CEP170: variants seen among roughly 807,000 people sequenced by gnomAD.
The protein encoded by CEP170 is centrosomal protein of 170 kDa.
A neutral mutation model predicts 151.9 loss-of-function variants in CEP170; 21 were observed. That is an observed-to-expected ratio of 0.14 (90% CI 0.10 to 0.20). The LOEUF (loss-of-function observed/expected upper bound fraction) is 0.20, where lower values mean the gene tolerates loss of function less well. Ranked by LOEUF, CEP170 falls within the 10% of genes least tolerant of loss-of-function variation. The pLI, the probability that CEP170 is intolerant of heterozygous loss-of-function variation, is 1.00. For synonymous variants in CEP170, 356 were observed against 648.8 expected (o/e 0.55, Z 6.86); for missense variants, 964 against 1,892.9 (o/e 0.51, Z 9.11).
At chr1:243,255,292 C>G (rs534499308), upstream of CEP170, 2 of 153,116 alleles carry the variant, frequency 1.3e-5, no homozygotes, top group African/African-American at 4.8e-5. Flanking sequence ...GGCGAGGAGC[C>G]GGACCCTATC....
rs1352781864 is a variant in CEP170 at position 243,126,065 on chromosome 1, C to G, written c.*384G>C. 5 of 458,624 alleles carry G rather than the reference C, an allele frequency of 1.1e-5. No homozygotes were observed. The highest frequency in any genetic ancestry group is 2.2e-5 in the Non-Finnish European group (5 of 228,772). 28.4% of individuals were successfully genotyped at this position (458,624 alleles called of 1,614,324 possible). The stretch of plus-strand genomic sequence containing the variant: ...AGATGAAGAAGTCCATTTCAGGGAG[C>G]AGCTTGGCACAGGAGACTTAGGGGT... On this transcript the variant is annotated 3_prime_UTR_variant, in exon 20 of 20. Coordinates refer to ENST00000366542, the MANE Select transcript of CEP170 (RefSeq NM_014812.3).
At chr1:243,234,903 A>G (rs1299704731) in intron 1 of CEP170, among the ~76,000 whole-genome samples, 1 of 152,222 alleles carries the variant, frequency 6.6e-6, no homozygotes, top group Non-Finnish European at 1.5e-5. Context: ...CTTAATATGA[A>G]TCAGGCACTG....
At chr1:243,217,661 G>A (rs1302392410) in intron 3 of CEP170, among the ~76,000 whole-genome samples, 1 of 152,118 alleles carries the variant, frequency 6.6e-6, no homozygotes, top group Non-Finnish European at 1.5e-5. Flanking sequence ...TCTCCTGAAG[G>A]TCTAAAATTA....
intron 19 of CEP170, among the ~76,000 whole-genome samples, 165 bp downstream of exon 19, chr1:243,128,083 TA>T (rs979310362): frequency 6.6e-6 from 1 of 152,202 alleles, no homozygotes; most frequent in Admixed American, 6.5e-5. Context: ...ATACTGGGTT[TA>T]AAAAAATTCC....
At position 243,225,298 on chromosome 1, in the gene CEP170, A is replaced by AGCT; in HGVS notation, c.-19_-18insAGC. The AGCT allele has an allele frequency of 6.6e-7, 1 of 1,510,106 alleles. No individual in the cohort carries two copies. Among genetic ancestry groups the AGCT allele is most frequent in the South Asian group, 1.2e-5 (1 of 80,318 alleles). The allele number at this position is 1,510,106 out of a possible 1,614,324, so 93.5% of individuals were successfully genotyped here. A position where few individuals can be genotyped will look rare whatever the true frequency, so the allele number is the denominator to read the frequency against. ...AAGCTCATTTTCTGCTTAGCTTCTA[A>AGCT]GTCTTTGGCAAAGCTACGTCATCCT... On this transcript the variant is annotated 5_prime_UTR_variant, in exon 2 of 20. Transcript: ENST00000366542.
intron 4 of CEP170, among the ~76,000 whole-genome samples, chr1:243,208,358 T>G (rs1226734239): frequency 6.6e-6 from 1 of 150,736 alleles, no homozygotes; most frequent in Non-Finnish European, 1.5e-5. Flanking sequence ...CATTTATCAC[T>G]CCGATTAAAA....
At chr1:243,186,443 C>T in intron 8 of CEP170, 21 bp from the exon 9 acceptor site, 1 of 1,573,322 alleles carries the variant, frequency 6.4e-7, no homozygotes, top group Non-Finnish European at 8.6e-7. Context: ...AAAGAAAACA[C>T]ACAATAGAGA....
chr1:243,139,874 C>T lies in CEP170; in HGVS notation c.4230+63G>A, dbSNP rs777600579. 522 of 1,546,054 alleles carry T rather than the reference C, an allele frequency of 3.4e-4. 1 individual carries two copies. Among genetic ancestry groups the T allele is most frequent in the Non-Finnish European group, 4.5e-4 (510 of 1,143,012 alleles). On this transcript the variant is annotated intron_variant, in intron 16 of 19. Coordinates refer to ENST00000366542, the MANE Select transcript of CEP170 (RefSeq NM_014812.3). ...CCCAGCCCTACTCACTGAATGGTTCCTCCTTTTCTTACTTATGGAATATGC... is the reference window on the plus strand; with the variant it reads ...CCCAGCCCTACTCACTGAATGGTTCTTCCTTTTCTTACTTATGGAATATGC...
At chr1:243,132,061 T>C (rs2054484153) in intron 17 of CEP170, among the ~76,000 whole-genome samples, 1 of 152,030 alleles carries the variant, frequency 6.6e-6, no homozygotes, top group African/African-American at 2.4e-5. Context: ...ACAACAGGAG[T>C]TCCTGTATAA....
chr1:243,245,497 C>T (rs1168434111), intron 1 of CEP170, among the ~76,000 whole-genome samples: 2 of 151,968 alleles, frequency 1.3e-5, no homozygotes, highest in Admixed American at 6.6e-5. Context: ...GAGCGGATCA[C>T]GAGGTCAGGA....
intron 3 of CEP170, among the ~76,000 whole-genome samples, chr1:243,219,987 C>G (rs1488943997): frequency 2.0e-5 from 3 of 152,196 alleles, no homozygotes; most frequent in Admixed American, 6.5e-5. Flanking sequence ...GAGAGAAATT[C>G]TAGCAAAGAG....
chr1:243,213,178 A>G (rs887134754), intron 3 of CEP170, among the ~76,000 whole-genome samples: 2 of 152,028 alleles, frequency 1.3e-5, no homozygotes, highest in Admixed American at 1.3e-4. Context: ...AGGGCTCAAC[A>G]GGCACACATG....
rs1356760637 is a variant in CEP170 at position 243,172,728 on chromosome 1, G to A, written c.1685C>T (p.Pro562Leu). The change falls in exon 11 of 20, where the codon CCA becomes CTA. Residue 562 changes from proline (P) to leucine (L), a missense_variant. Pro to Leu is a moderately conservative substitution (Grantham distance 98). Transcript: ENST00000366542. ...SAAAVMEERK[P>L]LTTSGFHHSE... ...GTGGTGAAATCCAGATGTAGTCAGT[G>A]GTTTTCTTTCTTCCATTACTGCTGC... 3 of 1,589,762 alleles carry A rather than the reference G, an allele frequency of 1.9e-6. No homozygotes were observed. The highest frequency in any genetic ancestry group is 2.7e-5 in the African/African-American group (2 of 74,384).
At chr1:243,232,422 G>T (rs1406405087) in intron 1 of CEP170, among the ~76,000 whole-genome samples, 1 of 152,090 alleles carries the variant, frequency 6.6e-6, no homozygotes, top group African/African-American at 2.4e-5. Context: ...TTGCTTTTTG[G>T]TAAGTTTATT....
chr1:243,135,321 C>T (rs961902263), intron 17 of CEP170, among the ~76,000 whole-genome samples: 3 of 152,110 alleles, frequency 2.0e-5, no homozygotes, highest in Admixed American at 1.3e-4. Flanking sequence ...ATTCTCCTGC[C>T]TCAGCCTCCC....
intron 1 of CEP170, among the ~76,000 whole-genome samples, chr1:243,254,816 TG>T (rs1005989303): frequency 5.7e-5 from 7 of 122,272 alleles, no homozygotes; most frequent in African/African-American, 2.1e-4. Context: ...ATGGGAAGGG[TG>T]GTCCCGTCAA....
At chr1:243,233,749 T>A (rs199874386) in intron 1 of CEP170, among the ~76,000 whole-genome samples, 11,683 of 103,848 alleles carry the variant, frequency 0.11, 1,163 homozygotes, top group African/African-American at 0.27. Flanking sequence ...AAAATATATA[T>A]ATATATATAT....
intron 7 of CEP170, among the ~76,000 whole-genome samples, chr1:243,196,803 C>T (rs1279652361): frequency 6.6e-6 from 1 of 152,068 alleles, no homozygotes; most frequent in African/African-American, 2.4e-5. Context: ...ACACACACAA[C>T]ATAATGAATG....
At chr1:243,187,216 A>G (rs557008613) in intron 8 of CEP170, among the ~76,000 whole-genome samples, 1 of 152,310 alleles carries the variant, frequency 6.6e-6, no homozygotes, top group Admixed American at 6.5e-5. Flanking sequence ...GTTAGAATAT[A>G]TCGGAATTTT....
Sources: gnomAD v4.1 joint callset for allele counts (sites outside exome capture counted in the v4.1 genomes callset) on GRCh38, gnomAD v4.1.1 for gene constraint, MANE v1.5 for transcripts, NCBI Gene and HGNC (gene_info 2026-07-23, HGNC 2026-07-21) for gene names.